CAPN14: variants seen among roughly 807,000 people sequenced by gnomAD.
CAPN14 encodes the protein calpain-14.
Under a neutral mutation model 101.3 loss-of-function variants are expected in CAPN14, and 94 were observed. The observed-to-expected ratio is 0.93, with a 90% confidence interval of 0.79 to 1.10. CAPN14 has a LOEUF of 1.10. Among genes scored for constraint, CAPN14 ranks in the 50% least tolerant of loss-of-function variants. The pLI, the probability that CAPN14 is intolerant of heterozygous loss-of-function variation, is 0.00. For missense variants in CAPN14, 837 were observed against 828.4 expected, an observed-to-expected ratio of 1.01 and a Z score of -0.13; for synonymous variants, 338 against 317.9, an observed-to-expected ratio of 1.06 and a Z score of -0.67.
chr2:31,231,158 ATTC>A (rs1450106269), intron 1 of CAPN14, among the ~76,000 whole-genome samples: 3 of 147,930 alleles, frequency 2.0e-5, no homozygotes. Context: ...CCTCCTCCTT[ATTC>A]TTCTTATCTT....
At chr2:31,201,793 C>T (rs1445027057) in intron 5 of CAPN14, 69 bp downstream of exon 5, 1 of 1,522,920 alleles carries the variant, frequency 6.6e-7, no homozygotes, top group Non-Finnish European at 8.9e-7. Context: ...TGACTCCACT[C>T]CCCTCCCTCA....
intron 1 of CAPN14, among the ~76,000 whole-genome samples, chr2:31,209,254 G>A (rs1346531994): frequency 2.0e-5 from 3 of 151,308 alleles, no homozygotes; most frequent in African/African-American, 7.3e-5. Context: ...TGGCATTACA[G>A]GCATGAACCA....
At position 31,202,081 on chromosome 2, in the gene CAPN14, G is replaced by A. The variant is rs1303209912; in HGVS notation, c.414+53C>T. 3.9e-6 allele frequency: 6 copies of A among 1,550,110 alleles called. No individual in the cohort carries two copies. In the East Asian group the frequency reaches 7.3e-5, roughly 19 times the overall value. On this transcript the variant is annotated intron_variant, in intron 4 of 21. Transcript: ENST00000403897. ...AGAAGGTGAAGACATGGTCCTCCAG[G>A]AACCCTTTTTCCTATGACTCCCTCT...
Position 31,177,039 on chromosome 2 carries a change from T to C in CAPN14, c.1959A>G (p.Val653=), listed in dbSNP as rs1680333523. 3 of 1,551,214 alleles carry C rather than the reference T, an allele frequency of 1.9e-6. No homozygotes were observed. Among genetic ancestry groups the C allele is most frequent in the South Asian group, 2.4e-5 (2 of 83,986 alleles). ...FVSFIHLMLR[V]ENMEDVFQNL... The stretch of plus-strand genomic sequence containing the variant: ...CCGCCAGCTTACCCTCCATGTTCTC[T>C]ACACGCAGCATCAAGTGGATGAAAC... The change falls in exon 20 of 22, where the codon GTA becomes GTG. Residue 653 remains valine (V), a synonymous_variant. Transcript: ENST00000403897.
intron 8 of CAPN14, among the ~76,000 whole-genome samples, chr2:31,195,066 A>G (rs1272453745): frequency 6.6e-6 from 1 of 152,210 alleles, no homozygotes; most frequent in Non-Finnish European, 1.5e-5. Flanking sequence ...GACTCAAAAA[A>G]AGAACATAAC....
chr2:31,228,933 G>C (rs1427914657), intron 1 of CAPN14, among the ~76,000 whole-genome samples: 3 of 152,236 alleles, frequency 2.0e-5, no homozygotes, highest in African/African-American at 7.2e-5. Flanking sequence ...AGAAATAGGA[G>C]GCATGTGCTG....
At chr2:31,227,186 G>A (rs1211304396) in intron 1 of CAPN14, among the ~76,000 whole-genome samples, 5 of 152,172 alleles carry the variant, frequency 3.3e-5, no homozygotes, top group Admixed American at 2.0e-4. Context: ...GATACACACC[G>A]CTGCCTCTCG....
In CAPN14 at chr2:31,194,472, CATTTACTTGA is replaced by C; in HGVS notation, c.877_886del (p.Ser293GlyfsTer4). 1.3e-6 allele frequency: 2 copies of C among 1,551,064 alleles called. No individual in the cohort carries two copies. The highest frequency in any genetic ancestry group is 1.7e-6 in the Non-Finnish European group (2 of 1,146,514). On this transcript the variant is annotated frameshift_variant and splice_region_variant, in exon 9 of 22. Coordinates refer to ENST00000403897, the MANE Select transcript of CAPN14 (RefSeq NM_001145122.2). LOFTEE classifies it high-confidence loss of function. ...CTTCTCCTTGGGGCTCAGCAGCTCCCATTTACTTGAACTGAAAATAGAAAAGGGAATGAAA... is the reference window on the plus strand; with the variant it reads ...CTTCTCCTTGGGGCTCAGCAGCTCCCACTGAAAATAGAAAAGGGAATGAAA...
At chr2:31,206,589 A>C (rs1682111208) in intron 1 of CAPN14, among the ~76,000 whole-genome samples, 1 of 152,160 alleles carries the variant, frequency 6.6e-6, no homozygotes, top group Non-Finnish European at 1.5e-5. Flanking sequence ...TTCCTTGAAG[A>C]CTTTCTTGCT....
chr2:31,200,333 T>G (rs1247558050), intron 6 of CAPN14, 118 bp downstream of exon 6: 1 of 907,760 alleles, frequency 1.1e-6, no homozygotes, highest in African/African-American at 1.7e-5. Context: ...CACCAGGACC[T>G]CAGCACTAGG....
At chr2:31,209,416 G>T (rs1239044055) in intron 1 of CAPN14, among the ~76,000 whole-genome samples, 1 of 152,010 alleles carries the variant, frequency 6.6e-6, no homozygotes, top group East Asian at 1.9e-4. Flanking sequence ...AAATAACCTG[G>T]TGCTCAGATA....
intron 16 of CAPN14, among the ~76,000 whole-genome samples, chr2:31,182,202 T>C (rs1680680709): frequency 6.6e-6 from 1 of 151,410 alleles, no homozygotes; most frequent in Non-Finnish European, 1.5e-5. Context: ...ATAAGAGCTA[T>C]CTATGACAAA....
chr2:31,217,957 T>A (rs1431750134), upstream of CAPN14, among the ~76,000 whole-genome samples: 1 of 152,174 alleles, frequency 6.6e-6, no homozygotes, highest in African/African-American at 2.4e-5. Context: ...GTGGGTTTTC[T>A]TTTATGGTTG....
intron 10 of CAPN14, 123 bp downstream of exon 10, chr2:31,193,008 G>A (rs1217500997): frequency 3.0e-6 from 3 of 988,862 alleles, no homozygotes; most frequent in Non-Finnish European, 4.4e-6. Flanking sequence ...ACACAGTGAG[G>A]CAAGCAGAGC....
chr2:31,200,831 C>T (rs1333042674), intron 5 of CAPN14, among the ~76,000 whole-genome samples: 1 of 152,172 alleles, frequency 6.6e-6, no homozygotes, highest in African/African-American at 2.4e-5. Flanking sequence ...AGGCATCTCT[C>T]CTGCCTAGAA....
intron 15 of CAPN14, 23 bp downstream of exon 15, chr2:31,187,735 C>A (rs1191651768): frequency 1.3e-6 from 2 of 1,547,280 alleles, no homozygotes; most frequent in Non-Finnish European, 1.7e-6. Context: ...TTCCTCACCC[C>A]CCACCACACC....
chr2:31,187,927 T>C, intron 14 of CAPN14, 113 bp from the exon 15 acceptor site: 1 of 839,986 alleles, frequency 1.2e-6, no homozygotes, highest in Non-Finnish European at 1.9e-6. Flanking sequence ...AGCTTGACTT[T>C]GCATCGTCTT....
At chr2:31,217,041 C>A (rs1572441738) in intron 1 of CAPN14, among the ~76,000 whole-genome samples, 1 of 152,268 alleles carries the variant, frequency 6.6e-6, no homozygotes, top group South Asian at 2.1e-4. Context: ...GCTGGCTGCC[C>A]CCAGATTCCT....
At position 31,188,303 on chromosome 2, in the gene CAPN14, C is replaced by T. The variant is rs1681003385; in HGVS notation, c.1530+15G>A. 3 of 1,550,842 alleles carry T rather than the reference C, an allele frequency of 1.9e-6. No individual in the cohort carries two copies. The highest frequency in any genetic ancestry group is 2.7e-5 in the African/African-American group (2 of 73,126). On this transcript the variant is annotated intron_variant, in intron 14 of 21. Transcript: ENST00000403897. Reference sequence around the variant, plus strand: ...AAGCAGTCCCAGCCATATGGAATTCCACCAGACTACTCACCTTTGAGAAGA... The same window carrying T: ...AAGCAGTCCCAGCCATATGGAATTCTACCAGACTACTCACCTTTGAGAAGA...
Sources: allele counts gnomAD v4.1 joint callset (sites outside exome capture counted in the v4.1 genomes callset), GRCh38; gene constraint gnomAD v4.1.1; transcripts MANE v1.5; gene names NCBI Gene and HGNC (gene_info 2026-07-23, HGNC 2026-07-21).